MYOF: variants seen among roughly 807,000 people sequenced by gnomAD.
MYOF encodes fer-1-like 3, myoferlin.
MYOF carries 244 observed loss-of-function variants against 284.2 expected under a neutral mutation model. The observed-to-expected ratio is 0.86, with a 90% CI of 0.77 to 0.95. The LOEUF is 0.95. MYOF is among the 40% of genes least tolerant of loss of function. MYOF has a pLI of 0.00. For synonymous variants in MYOF, 904 were observed against 919.7 expected (o/e 0.98, Z 0.31); for missense variants, 2,496 against 2,560.6 (o/e 0.97, Z 0.54).
At chr10:93,388,998 T>C (rs759605577) in intron 18 of MYOF, 32 bp downstream of exon 18, 25 of 1,606,066 alleles carry the variant, frequency 1.6e-5, no homozygotes, top group Non-Finnish European at 2.1e-5. Flanking sequence ...TAACCAATGC[T>C]GATTAATAAC....
intron 21 of MYOF, among the ~76,000 whole-genome samples, chr10:93,379,350 T>A (rs1846005661): frequency 6.6e-6 from 1 of 152,114 alleles, no homozygotes; most frequent in African/African-American, 2.4e-5. Context: ...TCCACCCCAC[T>A]CCTACCTTTT....
chr10:93,319,596 T>C (rs559336315), intron 49 of MYOF, among the ~76,000 whole-genome samples: 2 of 152,262 alleles, frequency 1.3e-5, no homozygotes, highest in South Asian at 4.1e-4. Flanking sequence ...TTTATACTAA[T>C]ACAAAACCGT....
chr10:93,403,301 T>C (rs1005092920), intron 9 of MYOF, among the ~76,000 whole-genome samples: 1 of 152,226 alleles, frequency 6.6e-6, no homozygotes, highest in Non-Finnish European at 1.5e-5. Flanking sequence ...CTACTATTAA[T>C]ATAACCATTG....
chr10:93,343,762 A>G, intron 38 of MYOF, 94 bp downstream of exon 38: 1 of 1,310,622 alleles, frequency 7.6e-7, no homozygotes, highest in Non-Finnish European at 1.1e-6. Context: ...TATAATTGCA[A>G]CAAACTGTTG....
chr10:93,374,347 C>T (rs1030126220), intron 23 of MYOF, among the ~76,000 whole-genome samples: 3 of 152,174 alleles, frequency 2.0e-5, no homozygotes, highest in African/African-American at 7.2e-5. Context: ...CTCCATTTTA[C>T]AGATGGGGAA....
chr10:93,323,313 G>GC lies in MYOF; in HGVS notation c.5316dup (p.Pro1773AlafsTer42). ...GTGATGTTGAAAGGAGGGCCTGGTG[G>GC]CCCCAAACTCTTGGGGAAAACATCC... On this transcript the variant is annotated frameshift_variant, in exon 47 of 54. Coordinates refer to ENST00000359263, the MANE Select transcript of MYOF (RefSeq NM_013451.4). LOFTEE classifies it high-confidence loss of function. The GC allele has an allele frequency of 6.2e-7, 1 of 1,613,994 alleles. No individual in the cohort carries two copies. The highest frequency in any genetic ancestry group is 8.5e-7 in the Non-Finnish European group (1 of 1,179,876).
In MYOF at chr10:93,409,731, C is replaced by T; in HGVS notation, c.442G>A (p.Glu148Lys). Residue 148 changes from glutamate to lysine, a missense_variant, in exon 6 of 54, where the codon GAA becomes AAA. By Grantham distance (56) the Glu-to-Lys change is moderately conservative. Coordinates refer to ENST00000359263, the MANE Select transcript of MYOF (RefSeq NM_013451.4). ...PSVPGMGGDG[E>K]EDEGDEDRLD... ...CTGTCTTCATCACCTTCATCTTCTTCCCCATCTCCTAAAATATCAGAAAGA... is the reference window on the plus strand; with the variant it reads ...CTGTCTTCATCACCTTCATCTTCTTTCCCATCTCCTAAAATATCAGAAAGA... 1.9e-6 allele frequency: 3 copies of T among 1,614,110 alleles called. No homozygotes were observed. Among genetic ancestry groups the T allele is most frequent in the Non-Finnish European group, 1.7e-6 (2 of 1,180,018 alleles).
rs34488205 is a variant in MYOF, at chr10:93,441,997, A to AACACACACACACAC, written c.236+10039_236+10052dup. ...TTTTAGCACCCTGGCCCTCAACCTG[A>AACACACACACACAC]ACACACACACACACACACACACACA... On this transcript the variant is annotated intron_variant, in intron 3 of 53. Transcript: ENST00000359263. 9.6e-4 allele frequency among the ~76,000 whole-genome samples: 128 copies of AACACACACACACAC among 133,044 alleles called. 1 individual carries two copies. The highest frequency in any genetic ancestry group is 3.2e-3 in the African/African-American group (113 of 34,888). The allele number at this position is 133,044 out of a possible 152,430, so 87.3% of individuals were successfully genotyped here.
At chr10:93,347,522 G>A (rs568317048) in intron 37 of MYOF, 95 bp downstream of exon 37, 29 of 1,148,936 alleles carry the variant, frequency 2.5e-5, no homozygotes, top group East Asian at 3.5e-5. Flanking sequence ...ACTGCAGTCC[G>A]CAGTCCGGCC....
At chr10:93,374,119 T>G (rs1046606590) in intron 23 of MYOF, among the ~76,000 whole-genome samples, 1 of 152,204 alleles carries the variant, frequency 6.6e-6, no homozygotes, top group Admixed American at 6.5e-5. Context: ...GTGTTTGGTT[T>G]TCTGTCCTTG....
At chr10:93,375,727 T>A (rs1845808030) in intron 22 of MYOF, among the ~76,000 whole-genome samples, 1 of 152,232 alleles carries the variant, frequency 6.6e-6, no homozygotes, top group African/African-American at 2.4e-5. Flanking sequence ...ATCTTTATTA[T>A]CACCATCATC....
At chr10:93,343,198 T>C (rs982736655) in intron 38 of MYOF, among the ~76,000 whole-genome samples, 4 of 152,206 alleles carry the variant, frequency 2.6e-5, no homozygotes, top group African/African-American at 9.6e-5. Flanking sequence ...TTTCCTTTTT[T>C]CTGGGCTGAG....
Position 93,396,161 on chromosome 10 carries a change from G to C in MYOF, c.1398C>G (p.Ala466=). The change falls in exon 16 of 54, where the codon GCC becomes GCG. Residue 466 remains alanine, a synonymous_variant. Transcript: ENST00000359263. ...ACTTACCTTCCACTTCCCCACCAGA[G>C]GCAGCAATTTTAGAGAGGTGTAGAT... ...TTYLHLSKIA[A]SGGEVEDFSS... 6.2e-7 allele frequency: 1 copy of C among 1,608,960 alleles called. No homozygotes were observed. The highest frequency in any genetic ancestry group is 1.7e-5 in the Admixed American group (1 of 59,756).
At chr10:93,458,823 A>T (rs1343913831) in intron 1 of MYOF, among the ~76,000 whole-genome samples, 1 of 152,010 alleles carries the variant, frequency 6.6e-6, no homozygotes, top group Non-Finnish European at 1.5e-5. Context: ...ACTTTGAATC[A>T]CTCCTCAGCC....
At chr10:93,472,262 A>C (rs952446460) in intron 1 of MYOF, among the ~76,000 whole-genome samples, 1 of 152,236 alleles carries the variant, frequency 6.6e-6, no homozygotes, top group Admixed American at 6.5e-5. Context: ...TAAAGAAGAA[A>C]AAAAGAAGTG....
At chr10:93,374,153 T>A (rs777083631) in intron 23 of MYOF, among the ~76,000 whole-genome samples, 3 of 152,174 alleles carry the variant, frequency 2.0e-5, no homozygotes, top group Non-Finnish European at 2.9e-5. Flanking sequence ...AGAATGATGG[T>A]TTCCACCTTC....
chr10:93,421,048 T>C (rs995425312), intron 5 of MYOF, among the ~76,000 whole-genome samples: 4 of 152,066 alleles, frequency 2.6e-5, no homozygotes, highest in African/African-American at 9.7e-5. Context: ...CAAAACCCTG[T>C]CTCTACTAAA....
Position 93,431,409 on chromosome 10 carries a change from C to T in MYOF, c.344G>A (p.Gly115Glu), listed in dbSNP as rs1848862737. 8 of 1,613,194 alleles carry T rather than the reference C, an allele frequency of 5.0e-6. No homozygotes were observed. Among genetic ancestry groups the T allele is most frequent in the Non-Finnish European group, 6.8e-6 (8 of 1,179,298 alleles). ...TTCAATAAGAGAGAAAACACTCACC[C>T]CAGTATCTTGCCCTTTTTCATTTAG... ...SLLNEKGQDT[G>E]ATIDLVIGYD... The change falls in exon 4 of 54, where the codon GGG becomes GAG. Residue 115 changes from glycine to glutamate, a missense_variant and splice_region_variant. Gly to Glu is a moderately conservative substitution (Grantham distance 98). Coordinates refer to ENST00000359263, the MANE Select transcript of MYOF (RefSeq NM_013451.4).
intron 11 of MYOF, 63 bp downstream of exon 11, chr10:93,402,169 T>C (rs905205717): frequency 1.3e-5 from 17 of 1,342,484 alleles, no homozygotes; most frequent in Non-Finnish European, 1.8e-5. Flanking sequence ...CATGCCCACA[T>C]GCTTAACTCT....
Sources: allele counts gnomAD v4.1 joint callset (sites outside exome capture counted in the v4.1 genomes callset), GRCh38; gene constraint gnomAD v4.1.1; transcripts MANE v1.5; gene names NCBI Gene and HGNC (gene_info 2026-07-23, HGNC 2026-07-21).